BTBD16: variants seen among roughly 807,000 people sequenced by gnomAD.
The protein encoded by BTBD16 is BTB domain containing 16, also known as BTB/POZ domain-containing protein 16.
Under a neutral mutation model 67.4 loss-of-function variants are expected in BTBD16, and 66 were observed. The observed-to-expected ratio is 0.98, with a 90% CI of 0.80 to 1.20. The LOEUF is 1.20. Ranked by LOEUF, BTBD16 falls within the 50% of genes most tolerant of loss-of-function variation. The pLI is 0.00. For missense variants in BTBD16, 634 were observed against 616.0 expected (o/e 1.03, Z -0.31); for synonymous variants, 242 against 236.4 (o/e 1.02, Z -0.22).
intron 8 of BTBD16, among the ~76,000 whole-genome samples, 173 bp from the exon 9 acceptor site, chr10:122,298,831 G>T (rs1189600752): frequency 6.6e-6 from 1 of 152,158 alleles, no homozygotes; most frequent in African/African-American, 2.4e-5. Flanking sequence ...AGCGCCTCGA[G>T]CATAGAAAAC....
intron 11 of BTBD16, among the ~76,000 whole-genome samples, 168 bp downstream of exon 11, chr10:122,329,739 G>A (rs2096452112): frequency 6.6e-6 from 1 of 152,190 alleles, no homozygotes; most frequent in Admixed American, 6.5e-5. Context: ...TAGCCTCTTG[G>A]TCTTACTTTC....
intron 9 of BTBD16, among the ~76,000 whole-genome samples, chr10:122,304,908 G>A (rs1277053664): frequency 6.6e-6 from 1 of 152,144 alleles, no homozygotes; most frequent in East Asian, 1.9e-4. Flanking sequence ...TGCTGCAGCA[G>A]GTACTGCACA....
intron 1 of BTBD16, 53 bp from the exon 2 acceptor site, chr10:122,274,987 A>G: frequency 1.5e-6 from 2 of 1,307,474 alleles, no homozygotes; most frequent in Admixed American, 1.7e-5. Flanking sequence ...AATCTCCTCC[A>G]TAATATTTTG....
At chr10:122,272,193 C>A (rs1788777235) in intron 1 of BTBD16, among the ~76,000 whole-genome samples, 1 of 152,232 alleles carries the variant, frequency 6.6e-6, no homozygotes, top group Admixed American at 6.5e-5. Flanking sequence ...ACACACATTG[C>A]TGTAAACTCA....
chr10:122,313,301 G>A (rs1323421852), intron 10 of BTBD16, among the ~76,000 whole-genome samples: 1 of 140,418 alleles, frequency 7.1e-6, no homozygotes, highest in Admixed American at 7.5e-5. Context: ...GTCTCACTGT[G>A]TCACCCAAGC....
intron 6 of BTBD16, among the ~76,000 whole-genome samples, chr10:122,290,393 C>T (rs1396569015): frequency 6.6e-6 from 1 of 152,190 alleles, no homozygotes; most frequent in Non-Finnish European, 1.5e-5. Flanking sequence ...CCAAGGACCA[C>T]CCCTTACCTC....
chr10:122,320,919 A>G (rs1343310588), intron 10 of BTBD16, among the ~76,000 whole-genome samples: 2 of 152,148 alleles, frequency 1.3e-5, no homozygotes, highest in Non-Finnish European at 2.9e-5. Flanking sequence ...GATATATTAC[A>G]TGATGCTCAG....
chr10:122,287,420 T>C (rs897865716), intron 5 of BTBD16: 1 of 985,360 alleles, frequency 1.0e-6, no homozygotes, highest in Non-Finnish European at 1.2e-6. Context: ...ATGAAAACAT[T>C]TAGCCCTGCT....
intron 13 of BTBD16, 125 bp downstream of exon 13, chr10:122,332,638 A>G: frequency 1.9e-6 from 2 of 1,079,544 alleles, no homozygotes; most frequent in Non-Finnish European, 2.6e-6. Context: ...AGAAGAGAGA[A>G]CCACAGGTGT....
intron 10 of BTBD16, among the ~76,000 whole-genome samples, chr10:122,307,616 C>T (rs1005810141): frequency 3.3e-5 from 5 of 151,846 alleles, no homozygotes; most frequent in African/African-American, 1.2e-4. Flanking sequence ...CTACCCTGGC[C>T]TTTAAAACTT....
intron 5 of BTBD16, chr10:122,287,617 T>A (rs1318698533): frequency 2.8e-6 from 1 of 351,038 alleles, no homozygotes; most frequent in African/African-American, 2.2e-5. Flanking sequence ...CAGTCCTTCA[T>A]GTGCCTTTAA....
At chr10:122,294,739 G>A (rs552767504) in intron 7 of BTBD16, among the ~76,000 whole-genome samples, 416 of 152,334 alleles carry the variant, frequency 2.7e-3, no homozygotes, top group Non-Finnish European at 4.0e-3. Flanking sequence ...GCCCAGAGGC[G>A]AGCCCGGATG....
rs1324797526 is a variant in BTBD16, at chr10:122,286,175, G to A, written c.312G>A (p.Leu104=). The A allele has an allele frequency of 1.9e-6, 3 of 1,613,972 alleles. No individual in the cohort carries two copies. In the South Asian group the frequency reaches 3.3e-5, roughly 18 times the overall value. Residue 104 remains leucine (L), a synonymous_variant, in exon 5 of 16, where the codon TTG becomes TTA. Coordinates refer to ENST00000260723, the MANE Select transcript of BTBD16 (RefSeq NM_144587.5). ...CCCAGCTTTTTCAGTCTGAGACCTT[G>A]GCCAAGCTCTACCTGAAAGCCCTGG... The part of the protein sequence containing the change: ...HQPQLFQSET[L]AKLYLKALAQ...
intron 10 of BTBD16, among the ~76,000 whole-genome samples, chr10:122,312,673 T>A (rs1275822875): frequency 6.6e-6 from 1 of 152,190 alleles, no homozygotes; most frequent in Non-Finnish European, 1.5e-5. Flanking sequence ...CCTTTTAATT[T>A]ACATTCCCCT....
At chr10:122,330,679 T>C (rs1343497106) in intron 11 of BTBD16, among the ~76,000 whole-genome samples, 3 of 152,218 alleles carry the variant, frequency 2.0e-5, no homozygotes, top group African/African-American at 4.8e-5. Flanking sequence ...GTGAATGTAT[T>C]GGTTCCTTTG....
At chr10:122,316,309 T>G (rs1360910484) in intron 10 of BTBD16, among the ~76,000 whole-genome samples, 1 of 152,062 alleles carries the variant, frequency 6.6e-6, no homozygotes, top group African/African-American at 2.4e-5. Flanking sequence ...CCACTTGTCC[T>G]CTTTGCTCCA....
chr10:122,299,461 T>C (rs543163652), intron 9 of BTBD16, among the ~76,000 whole-genome samples: 3 of 152,310 alleles, frequency 2.0e-5, no homozygotes, highest in Non-Finnish European at 2.9e-5. Flanking sequence ...ACATTCATTT[T>C]AGAAAATGAA....
At chr10:122,296,957 C>T (rs972547978) in intron 7 of BTBD16, among the ~76,000 whole-genome samples, 10 of 152,202 alleles carry the variant, frequency 6.6e-5, no homozygotes, top group African/African-American at 1.7e-4. Context: ...ATGCTGTTTC[C>T]GCTTCTTGGA....
intron 15 of BTBD16, 32 bp from the exon 16 acceptor site, chr10:122,337,985 T>A (rs1337422671): frequency 6.3e-7 from 1 of 1,575,112 alleles, no homozygotes; most frequent in African/African-American, 1.4e-5. Flanking sequence ...ATCCTAAAAG[T>A]CACATTCACT....
Sources: allele counts gnomAD v4.1 joint callset (sites outside exome capture counted in the v4.1 genomes callset), GRCh38; gene constraint gnomAD v4.1.1; transcripts MANE v1.5; gene names NCBI Gene and HGNC (gene_info 2026-07-23, HGNC 2026-07-21).